Variants in TSLP observed in about 807,000 individuals in gnomAD.
The protein encoded by TSLP is thymic stromal lymphopoietin, also known as thymic stroma-derived lymphopoietin.
A neutral mutation model predicts 12.4 loss-of-function variants in TSLP; 12 were observed. The ratio of observed to expected loss-of-function variants is 0.97; its 90% CI spans 0.62 to 1.57. The LOEUF (loss-of-function observed/expected upper bound fraction) is 1.57, where lower values mean the gene tolerates loss of function less well. TSLP is among the 40% of genes most tolerant of loss of function. The pLI, the probability that TSLP is intolerant of heterozygous loss-of-function variation, is 0.00. For synonymous variants in TSLP, 97 were observed against 69.5 expected (o/e 1.40, Z -1.97); for missense variants, 222 against 189.6 (o/e 1.17, Z -1.00).
chr5:111,074,441 C>A (rs1399025451), intron 3 of TSLP, among the ~76,000 whole-genome samples: 3 of 152,104 alleles, frequency 2.0e-5, no homozygotes, highest in Non-Finnish European at 4.4e-5. Context: ...CATGTAAATG[C>A]AGTTGGAACA....
rs1333121203 is a variant in TSLP at position 111,077,717 on chromosome 5, C to T, written c.*1643C>T. On this transcript the variant is annotated 3_prime_UTR_variant, in exon 4 of 4. Transcript: ENST00000344895. ...GAAAGGAGACAACTCAAAGTCATCC[C>T]ATTAAGTGCAGTTTCTTTGAATCTT... 3 of 152,590 alleles carry T rather than the reference C, an allele frequency of 2.0e-5. No homozygotes were observed. The highest frequency in any genetic ancestry group is 4.4e-5 in the Non-Finnish European group (3 of 68,032). 9.5% of individuals were successfully genotyped at this position (152,590 alleles called of 1,614,324 possible). A position where few individuals can be genotyped will look rare whatever the true frequency, so the allele number is the denominator to read the frequency against.
At chr5:111,072,298 G>A (rs1415895798) in intron 1 of TSLP, among the ~76,000 whole-genome samples, 3 of 152,158 alleles carry the variant, frequency 2.0e-5, no homozygotes, top group Admixed American at 6.5e-5. Context: ...TAGACAGCGC[G>A]TTATGCGTCA....
At chr5:111,073,472 T>G in intron 2 of TSLP, 39 bp from the exon 3 acceptor site, 1 of 1,613,110 alleles carries the variant, frequency 6.2e-7, no homozygotes, top group Non-Finnish European at 8.5e-7. Context: ...CTCTCTGGTG[T>G]TTTCTCCTTT....
rs188293283 is a variant in TSLP at position 111,075,906 on chromosome 5, G to A, written c.352-40G>A. On this transcript the variant is annotated intron_variant, in intron 3 of 3. Coordinates refer to ENST00000344895, the MANE Select transcript of TSLP (RefSeq NM_033035.5). Reference sequence around the variant, plus strand: ...CTGCTCTCAACAGTTACTAAAGATAGTGAAAAGTAATTTTGACTATTGATT... The same window carrying A: ...CTGCTCTCAACAGTTACTAAAGATAATGAAAAGTAATTTTGACTATTGATT... 1.5e-3 allele frequency: 2,374 copies of A among 1,603,130 alleles called. 1 individual carries two copies. The highest frequency in any genetic ancestry group is 1.7e-3 in the Non-Finnish European group (1,964 of 1,174,822).
chr5:111,073,665 C>A lies in TSLP; in HGVS notation c.351+20C>A. ...ACTCAGGTAAGCCCGAAGCCTCAGA[C>A]GTTTGCTGTACCTTGGGGCTAACCT... On this transcript the variant is annotated intron_variant, in intron 3 of 3. Coordinates refer to ENST00000344895, the MANE Select transcript of TSLP (RefSeq NM_033035.5). 4 of 1,613,098 alleles carry A rather than the reference C, an allele frequency of 2.5e-6. No homozygotes were observed. Among genetic ancestry groups the A allele is most frequent in the Middle Eastern group, 1.7e-4 (1 of 6,010 alleles).
intron 3 of TSLP, among the ~76,000 whole-genome samples, chr5:111,074,812 G>A (rs544540684): frequency 3.3e-5 from 5 of 151,982 alleles, no homozygotes; most frequent in South Asian, 4.2e-4. Context: ...TAGAGACGGG[G>A]TTTCACCATA....
Position 111,071,771 on chromosome 5 carries a change from G to T in TSLP, c.-120G>T. 7.6e-7 allele frequency: 1 copy of T among 1,322,600 alleles called. No individual in the cohort carries two copies. 81.9% of individuals were successfully genotyped at this position (1,322,600 alleles called of 1,614,324 possible). On this transcript the variant is annotated 5_prime_UTR_variant, in exon 1 of 4. Transcript: ENST00000344895. ...GGTGAATAAGGGCTTCCTGTGGACT[G>T]GCAATGAGAGGCAAAACCTGGTGCT... is the stretch of plus-strand genomic sequence containing the variant.
intron 3 of TSLP, among the ~76,000 whole-genome samples, chr5:111,074,219 C>T (rs140339493): frequency 9.5e-4 from 145 of 152,272 alleles, no homozygotes; most frequent in African/African-American, 3.4e-3. Flanking sequence ...CATTTGAATG[C>T]TCGTGTAGCA....
At chr5:111,073,917 T>C (rs2112544728) in intron 3 of TSLP, among the ~76,000 whole-genome samples, 1 of 152,304 alleles carries the variant, frequency 6.6e-6, no homozygotes, top group Non-Finnish European at 1.5e-5. Context: ...GACTTCTATA[T>C]CAGAATGTTT....
Position 111,076,194 on chromosome 5 carries a change from A to G in TSLP, c.*120A>G. ...CAAATAGTTATCTTTTAATTACAGA[A>G]GAGTTTCTTAACTTACTTTTGTAAG... On this transcript the variant is annotated 3_prime_UTR_variant, in exon 4 of 4. Transcript: ENST00000344895. 8.3e-7 allele frequency: 1 copy of G among 1,209,334 alleles called. No individual in the cohort carries two copies. Among genetic ancestry groups the G allele is most frequent in the Non-Finnish European group, 1.2e-6 (1 of 848,828 alleles). 74.9% of individuals were successfully genotyped at this position (1,209,334 alleles called of 1,614,324 possible). A position where few individuals can be genotyped will look rare whatever the true frequency, so the allele number is the denominator to read the frequency against.
At chr5:111,073,007 C>T (rs11466741) in intron 2 of TSLP, 75 bp downstream of exon 2, 479,811 of 1,547,702 alleles carry the variant, frequency 0.31, 75,872 homozygotes, top group Middle Eastern at 0.42. Context: ...TATCCTGCTA[C>T]GTGCAGAACT....
At chr5:111,071,252 A>G, upstream of TSLP, 1 of 497,718 alleles carries the variant, frequency 2.0e-6, no homozygotes. Flanking sequence ...AAAGCATCCC[A>G]TAAGCAAGCA....
chr5:111,076,596 C>A lies in TSLP; in HGVS notation c.*522C>A, dbSNP rs879655323. The A allele has an allele frequency of 6.5e-6, 1 of 154,076 alleles. No homozygotes were observed. The highest frequency in any genetic ancestry group is 2.4e-5 in the African/African-American group (1 of 41,422). 9.5% of individuals were successfully genotyped at this position (154,076 alleles called of 1,614,324 possible). On this transcript the variant is annotated 3_prime_UTR_variant, in exon 4 of 4. Coordinates refer to ENST00000344895, the MANE Select transcript of TSLP (RefSeq NM_033035.5). Reference sequence around the variant, plus strand: ...CAAAGTATTGTGAAAGTATTCTAAGCCAAGTTTTAAATATTATCTAACAGA... The same window carrying A: ...CAAAGTATTGTGAAAGTATTCTAAGACAAGTTTTAAATATTATCTAACAGA...
At chr5:111,073,698 A>C in intron 3 of TSLP, 53 bp downstream of exon 3, 1 of 1,554,992 alleles carries the variant, frequency 6.4e-7, no homozygotes, top group East Asian at 2.3e-5. Context: ...CCTCAAATTA[A>C]ACTGGGGCTT....
At chr5:111,071,238 C>A, upstream of TSLP, 2 of 468,566 alleles carry the variant, frequency 4.3e-6, no homozygotes, top group Non-Finnish European at 7.4e-6. Flanking sequence ...GCACCCCACC[C>A]TCCAAAGCAT....
Position 111,073,623 on chromosome 5 carries a change from G to A in TSLP, c.329G>A (p.Cys110Tyr). The change falls in exon 3 of 4, where the codon TGC (cysteine) becomes TAC (tyrosine). Residue 110 changes from cysteine (C) to tyrosine (Y), a missense_variant. Physicochemically the swap from Cys to Tyr is radical, Grantham distance 194. Transcript: ENST00000344895. ...MKTKAALAIW[C>Y]PGYSETQINA... is the part of the protein sequence containing the mutation. ...ACTAAGGCTGCCTTAGCTATCTGGT[G>A]CCCAGGCTATTCGGAAACTCAGGTA... 3 of 1,614,218 alleles carry A rather than the reference G, an allele frequency of 1.9e-6. No individual in the cohort carries two copies. The highest frequency in any genetic ancestry group is 1.1e-5 in the South Asian group (1 of 91,082).
At position 111,071,778 on chromosome 5, in the gene TSLP, A is replaced by G; in HGVS notation, c.-113A>G. ...AAGGGCTTCCTGTGGACTGGCAATGAGAGGCAAAACCTGGTGCTTGAGCAC... is the reference window on the plus strand; with the variant it reads ...AAGGGCTTCCTGTGGACTGGCAATGGGAGGCAAAACCTGGTGCTTGAGCAC... On this transcript the variant is annotated 5_prime_UTR_variant, in exon 1 of 4. Transcript: ENST00000344895. The G allele has an allele frequency of 7.2e-7, 1 of 1,386,840 alleles. No homozygotes were observed. Among genetic ancestry groups the G allele is most frequent in the Non-Finnish European group, 9.9e-7 (1 of 1,010,890 alleles). The allele number at this position is 1,386,840 out of a possible 1,614,324, so 85.9% of individuals were successfully genotyped here.
intron 3 of TSLP, among the ~76,000 whole-genome samples, chr5:111,074,717 A>G (rs553978487): frequency 1.4e-5 from 2 of 141,418 alleles, no homozygotes; most frequent in Admixed American, 7.8e-5. Flanking sequence ...TGCAACCTCC[A>G]TCTCCTGGGT....
rs1752554125 is a variant in TSLP at position 111,077,800 on chromosome 5, A to C, written c.*1726A>C. On this transcript the variant is annotated 3_prime_UTR_variant, in exon 4 of 4. Coordinates refer to ENST00000344895, the MANE Select transcript of TSLP (RefSeq NM_033035.5). ...ATATTTTATTCTATGTGTTCCATAG[A>C]TATCTTAATGTAAAATTAGTCATTT... 1.3e-5 allele frequency: 2 copies of C among 152,650 alleles called. No homozygotes were observed. The highest frequency in any genetic ancestry group is 4.1e-4 in the South Asian group (2 of 4,828). The allele number at this position is 152,650 out of a possible 1,614,324, so 9.5% of individuals were successfully genotyped here. A position where few individuals can be genotyped will look rare whatever the true frequency, so the allele number is the denominator to read the frequency against.
Sources: gnomAD v4.1 joint callset for allele counts (sites outside exome capture counted in the v4.1 genomes callset) on GRCh38, gnomAD v4.1.1 for gene constraint, MANE v1.5 for transcripts, NCBI Gene and HGNC (gene_info 2026-07-23, HGNC 2026-07-21) for gene names.